SGCE: variants seen among roughly 807,000 people sequenced by gnomAD.
SGCE encodes the protein sarcoglycan epsilon, also known as epsilon-sarcoglycan.
SGCE carries 26 observed loss-of-function variants against 57.8 expected under a neutral mutation model. That is an observed-to-expected ratio of 0.45 (90% CI 0.33 to 0.62). The LOEUF (loss-of-function observed/expected upper bound fraction) is 0.62. Among genes scored for constraint, SGCE ranks in the 20% least tolerant of loss-of-function variants. SGCE has a pLI of 0.02. For synonymous variants in SGCE, 183 were observed against 189.5 expected, an observed-to-expected ratio of 0.97 and a Z score of 0.28; for missense variants, 468 against 548.6, an observed-to-expected ratio of 0.85 and a Z score of 1.47.
At chr7:94,629,507 G>T in intron 2 of SGCE, 2 of 478,296 alleles carry the variant, frequency 4.2e-6, no homozygotes, top group South Asian at 4.4e-5. Flanking sequence ...TGAGAATCCA[G>T]AAATATGCTT....
At chr7:94,587,257 G>C (rs1340789341) in intron 10 of SGCE, 1 of 985,454 alleles carries the variant, frequency 1.0e-6, no homozygotes, top group Non-Finnish European at 1.2e-6. Flanking sequence ...AAATCTATGT[G>C]ACTACTAAAC....
chr7:94,652,250 G>T (rs979841339), intron 1 of SGCE, among the ~76,000 whole-genome samples: 11 of 152,224 alleles, frequency 7.2e-5, no homozygotes, highest in Non-Finnish European at 1.5e-4. Flanking sequence ...TTTTACACTG[G>T]AGGTAGGAAA....
chr7:94,608,780 C>G (rs1340897730), intron 5 of SGCE, among the ~76,000 whole-genome samples: 1 of 152,134 alleles, frequency 6.6e-6, no homozygotes, highest in Admixed American at 6.5e-5. Flanking sequence ...TAAATCTATT[C>G]AACTAATCTG....
intron 6 of SGCE, among the ~76,000 whole-genome samples, chr7:94,602,012 T>G (rs1286353144): frequency 6.6e-6 from 1 of 152,150 alleles, no homozygotes; most frequent in Non-Finnish European, 1.5e-5. Flanking sequence ...TATAAAGCCT[T>G]AACAGATAAA....
At chr7:94,625,340 T>C (rs1803523277) in intron 3 of SGCE, 1 of 152,062 alleles carries the variant, frequency 6.6e-6, no homozygotes, top group Non-Finnish European at 1.5e-5. Context: ...CTATATTATA[T>C]GAAAGATATG....
chr7:94,617,775 T>C (rs1802149425), intron 5 of SGCE: 3 of 116,074 alleles, frequency 2.6e-5, no homozygotes, highest in African/African-American at 3.8e-5. Context: ...CTCACTGTTT[T>C]TCCCCATCTG....
chr7:94,613,787 T>G (rs1369263959), intron 5 of SGCE, among the ~76,000 whole-genome samples: 1 of 152,156 alleles, frequency 6.6e-6, no homozygotes, highest in Non-Finnish European at 1.5e-5. Flanking sequence ...AAAGACAGTT[T>G]AGAGAAGAAT....
chr7:94,609,904 A>G (rs961575768), intron 5 of SGCE, among the ~76,000 whole-genome samples: 1 of 152,200 alleles, frequency 6.6e-6, no homozygotes, highest in African/African-American at 2.4e-5. Context: ...AAGCCTGCAC[A>G]TGGATATCTA....
intron 4 of SGCE, chr7:94,621,036 C>T (rs1802686322): frequency 6.6e-6 from 1 of 152,294 alleles, no homozygotes; most frequent in African/African-American, 2.4e-5. Flanking sequence ...CCTTGAGCTT[C>T]ATGCGGTGTG....
chr7:94,617,176 A>G (rs977980005), intron 5 of SGCE: 1 of 152,194 alleles, frequency 6.6e-6, no homozygotes, highest in African/African-American at 2.4e-5. Flanking sequence ...CCAGGAACCT[A>G]TCTATATTTT....
intron 1 of SGCE, among the ~76,000 whole-genome samples, chr7:94,644,955 T>C (rs116815696): frequency 6.6e-6 from 1 of 152,232 alleles, no homozygotes; most frequent in Non-Finnish European, 1.5e-5. Flanking sequence ...CACCAAGGGT[T>C]GTACACATAT....
intron 3 of SGCE, chr7:94,625,575 T>C (rs1165517534): frequency 2.0e-5 from 3 of 152,152 alleles, no homozygotes; most frequent in African/African-American, 7.2e-5. Flanking sequence ...AGTTTTATTA[T>C]AATTGCATGA....
At chr7:94,651,460 C>A (rs930454326) in intron 1 of SGCE, among the ~76,000 whole-genome samples, 2 of 152,194 alleles carry the variant, frequency 1.3e-5, no homozygotes, top group Non-Finnish European at 1.5e-5. Flanking sequence ...CTCGCCGGTG[C>A]TGGTTCAGTC....
At position 94,624,332 on chromosome 7, in the gene SGCE, ATACAT is replaced by A. The variant is rs1397245057; in HGVS notation, c.391-940_391-936del. 6 of 397,512 alleles carry A rather than the reference ATACAT, an allele frequency of 1.5e-5. No individual in the cohort carries two copies. In the Admixed American group the frequency reaches 2.6e-4, roughly 18 times the overall value. The allele number at this position is 397,512 out of a possible 1,614,324, so 24.6% of individuals were successfully genotyped here. A position where few individuals can be genotyped will look rare whatever the true frequency, so the allele number is the denominator to read the frequency against. ...TTTAAAACAAATATCAAAGATTTTT[ATACAT>A]TACATGTGTCAAAAAATAAGTTGCA... On this transcript the variant is annotated intron_variant, in intron 3 of 10. Coordinates refer to ENST00000648936, the MANE Select transcript of SGCE (RefSeq NM_003919.3).
intron 5 of SGCE, among the ~76,000 whole-genome samples, chr7:94,613,537 T>C (rs1053392250): frequency 6.6e-6 from 1 of 152,174 alleles, no homozygotes; most frequent in African/African-American, 2.4e-5. Flanking sequence ...GTGCACTAGA[T>C]AGAGTTGTTT....
At chr7:94,613,368 T>C (rs1328842820) in intron 5 of SGCE, among the ~76,000 whole-genome samples, 1 of 152,188 alleles carries the variant, frequency 6.6e-6, no homozygotes, top group Non-Finnish European at 1.5e-5. Flanking sequence ...TTAAAATTTG[T>C]ATGAAGTGAA....
intron 1 of SGCE, 130 bp downstream of exon 1, chr7:94,655,860 G>A: frequency 4.5e-6 from 3 of 673,714 alleles, no homozygotes; most frequent in Non-Finnish European, 8.1e-6. Context: ...GGAGGGGTAC[G>A]GTGGGGTCCG....
intron 5 of SGCE, among the ~76,000 whole-genome samples, chr7:94,609,540 C>A (rs577084375): frequency 2.6e-5 from 4 of 152,226 alleles, no homozygotes; most frequent in South Asian, 4.1e-4. Flanking sequence ...TAAAAAACAA[C>A]AACAACAAAA....
chr7:94,588,570 A>G, intron 10 of SGCE, 119 bp downstream of exon 10: 1 of 1,536,238 alleles, frequency 6.5e-7, no homozygotes, highest in Non-Finnish European at 8.7e-7. Context: ...TTAAGGAATG[A>G]CACAAGTGTT....
Sources: allele counts gnomAD v4.1 joint callset (sites outside exome capture counted in the v4.1 genomes callset), GRCh38; gene constraint gnomAD v4.1.1; transcripts MANE v1.5; gene names NCBI Gene and HGNC (gene_info 2026-07-23, HGNC 2026-07-21).